ST8SIA5: variants seen among roughly 807,000 people sequenced by gnomAD.
The protein encoded by ST8SIA5 is ST8 alpha-N-acetyl-neuraminide alpha-2,8-sialyltransferase 5.
Under a neutral mutation model 40.2 loss-of-function variants are expected in ST8SIA5, and 24 were observed. The observed-to-expected ratio is 0.60, with a 90% CI of 0.43 to 0.84. ST8SIA5 has a LOEUF of 0.84. Ranked by LOEUF, ST8SIA5 falls within the 40% of genes least tolerant of loss-of-function variation. The probability of loss-of-function intolerance (pLI) is 0.00; values close to 1 mark genes in which losing one functional copy is unlikely to be tolerated. For synonymous variants in ST8SIA5, 198 were observed against 201.8 expected (o/e 0.98, Z 0.16); for missense variants, 465 against 498.5 (o/e 0.93, Z 0.64).
rs1056210931 is a variant in ST8SIA5, at chr18:46,676,605, C to T, written c.*3437G>A. 9 of 152,222 alleles carry T rather than the reference C, an allele frequency of 5.9e-5. No individual in the cohort carries two copies. The highest frequency in any genetic ancestry group is 2.1e-4 in the South Asian group (1 of 4,822). 9.4% of individuals were successfully genotyped at this position (152,222 alleles called of 1,614,324 possible). ...GCAGCATTGCTGAAATGGTCTCAGA[C>T]GCTGCCTCTGACCTTGAGCCACCTT... On this transcript the variant is annotated 3_prime_UTR_variant, in exon 7 of 7. Transcript: ENST00000315087.
chr18:46,728,446 A>T (rs562968981), intron 1 of ST8SIA5, among the ~76,000 whole-genome samples: 1 of 152,248 alleles, frequency 6.6e-6, no homozygotes, highest in Non-Finnish European at 1.5e-5. Flanking sequence ...AGCATCCGCG[A>T]GTGCCCACTC....
intron 1 of ST8SIA5, among the ~76,000 whole-genome samples, chr18:46,728,528 T>C (rs1227902057): frequency 6.6e-6 from 1 of 152,240 alleles, no homozygotes; most frequent in Non-Finnish European, 1.5e-5. Context: ...TTTGGCACTG[T>C]GGACTTAGGT....
At chr18:46,707,648 T>A (rs141944698) in intron 1 of ST8SIA5, among the ~76,000 whole-genome samples, 25 of 152,346 alleles carry the variant, frequency 1.6e-4, no homozygotes, top group Admixed American at 7.8e-4. Flanking sequence ...CTCTGTATGG[T>A]CTGAATGTTT....
chr18:46,749,196 A>C (rs2040172151), intron 1 of ST8SIA5, among the ~76,000 whole-genome samples: 1 of 152,166 alleles, frequency 6.6e-6, no homozygotes, highest in East Asian at 1.9e-4. Flanking sequence ...GCGTTTGCTC[A>C]TTCCTAGGAC....
chr18:46,748,248 A>T (rs981917899), intron 1 of ST8SIA5, among the ~76,000 whole-genome samples: 25 of 148,342 alleles, frequency 1.7e-4, no homozygotes, highest in East Asian at 7.8e-4. Flanking sequence ...TAATTAATTT[A>T]AAAAAATAGG....
At chr18:46,693,898 A>T (rs2039530916) in intron 2 of ST8SIA5, among the ~76,000 whole-genome samples, 2 of 152,090 alleles carry the variant, frequency 1.3e-5, no homozygotes, top group Non-Finnish European at 2.9e-5. Context: ...TCCATTACCT[A>T]TCCCTATCTT....
intron 5 of ST8SIA5, among the ~76,000 whole-genome samples, chr18:46,685,607 C>G (rs551024946): frequency 6.6e-6 from 1 of 152,346 alleles, no homozygotes; most frequent in African/African-American, 2.4e-5. Context: ...GATTGTGGAT[C>G]CATGCTTCAT....
At chr18:46,729,397 C>T (rs1008604689) in intron 1 of ST8SIA5, among the ~76,000 whole-genome samples, 1 of 7,556 alleles carries the variant, frequency 1.3e-4, no homozygotes, top group Non-Finnish European at 3.3e-4. Context: ...GTGCCTTGAA[C>T]TCCACCCTCC....
At position 46,671,010 on chromosome 18, in the gene ST8SIA5, T is replaced by C. The variant is rs1415123630; in HGVS notation, c.*9032A>G. On this transcript the variant is annotated 3_prime_UTR_variant, in exon 7 of 7. Transcript: ENST00000315087. ...TTGATACACAGCTTTATAGCATCTA[T>C]TTTCAGGGGCTCAAAATTATTTTCC... 1 of 152,212 alleles carries C rather than the reference T, an allele frequency of 6.6e-6. No individual in the cohort carries two copies. Among genetic ancestry groups the C allele is most frequent in the African/African-American group, 2.4e-5 (1 of 41,436 alleles). The allele number at this position is 152,212 out of a possible 1,614,324, so 9.4% of individuals were successfully genotyped here. A position where few individuals can be genotyped will look rare whatever the true frequency, so the allele number is the denominator to read the frequency against.
intron 1 of ST8SIA5, among the ~76,000 whole-genome samples, chr18:46,751,925 A>G (rs1205947778): frequency 6.6e-6 from 1 of 152,118 alleles, no homozygotes; most frequent in Non-Finnish European, 1.5e-5. Flanking sequence ...TTCCCAACGC[A>G]GTTCTGGGTA....
chr18:46,696,016 C>T (rs976059972), intron 2 of ST8SIA5, among the ~76,000 whole-genome samples: 19 of 152,154 alleles, frequency 1.2e-4, no homozygotes, highest in African/African-American at 1.9e-4. Flanking sequence ...GTTAAAGGGA[C>T]GGGGAAGTGA....
intron 1 of ST8SIA5, among the ~76,000 whole-genome samples, chr18:46,723,713 G>A (rs2039886410): frequency 6.6e-6 from 1 of 151,996 alleles, no homozygotes; most frequent in South Asian, 2.1e-4. Flanking sequence ...ACTGCCTGAG[G>A]CCAGGAGTTC....
In ST8SIA5 at chr18:46,678,524, T is replaced by C. The variant is rs2039355395; in HGVS notation, c.*1518A>G. The C allele has an allele frequency of 6.6e-6, 1 of 152,220 alleles. No individual in the cohort carries two copies. 9.4% of individuals were successfully genotyped at this position (152,220 alleles called of 1,614,324 possible). ...AGAGCACCCAGCACGTGGGACTGGG[T>C]CTATAATCTCTGGGCCCTGCACCCC... is the stretch of plus-strand genomic sequence containing the variant. On this transcript the variant is annotated 3_prime_UTR_variant, in exon 7 of 7. Coordinates refer to ENST00000315087, the MANE Select transcript of ST8SIA5 (RefSeq NM_013305.6).
At chr18:46,733,470 C>T (rs932240260) in intron 1 of ST8SIA5, among the ~76,000 whole-genome samples, 2 of 152,110 alleles carry the variant, frequency 1.3e-5, no homozygotes, top group Admixed American at 6.5e-5. Context: ...GGCTCAACAG[C>T]GAGCAAGCCA....
rs771016806 is a variant in ST8SIA5 at position 46,704,714 on chromosome 18, A to C, written c.132-50T>G. On this transcript the variant is annotated intron_variant, in intron 1 of 6. Coordinates refer to ENST00000315087, the MANE Select transcript of ST8SIA5 (RefSeq NM_013305.6). ...AACAGAGAAGCAGGTCAGGATGTCC[A>C]GGGCCTGCAGGGGCTCTTGTTGCAG... The C allele has an allele frequency of 4.2e-6, 6 of 1,442,456 alleles. No individual in the cohort carries two copies. In the South Asian group the frequency reaches 6.8e-5, roughly 16 times the overall value. 89.4% of individuals were successfully genotyped at this position (1,442,456 alleles called of 1,614,324 possible). A position where few individuals can be genotyped will look rare whatever the true frequency, so the allele number is the denominator to read the frequency against.
intron 1 of ST8SIA5, among the ~76,000 whole-genome samples, chr18:46,725,912 G>A (rs1454744358): frequency 3.6e-5 from 5 of 137,496 alleles, no homozygotes; most frequent in Non-Finnish European, 7.7e-5. Flanking sequence ...CTTGAGGTCA[G>A]GAGTTTGAGA....
chr18:46,727,437 A>T (rs542550195), intron 1 of ST8SIA5, among the ~76,000 whole-genome samples: 1 of 152,342 alleles, frequency 6.6e-6, no homozygotes, highest in South Asian at 2.1e-4. Context: ...CCCTGAGCCA[A>T]CTACCAGGGG....
In ST8SIA5 at chr18:46,703,996, C is replaced by T. The variant is rs899853981; in HGVS notation, c.224+576G>A. Among the ~76,000 whole-genome samples, 3 of 152,112 alleles carry T rather than the reference C, an allele frequency of 2.0e-5. No homozygotes were observed. The South Asian group carries it at 6.2e-4, about 32-fold the overall frequency. ...CTTTTACCATTTATGTAAAAAAAAA[C>T]TTTTTAAATCTCCATACATAGATTC... is the stretch of plus-strand genomic sequence containing the variant. On this transcript the variant is annotated intron_variant, in intron 2 of 6. Coordinates refer to ENST00000315087, the MANE Select transcript of ST8SIA5 (RefSeq NM_013305.6).
intron 1 of ST8SIA5, chr18:46,721,453 A>G (rs1389424206): frequency 6.5e-7 from 1 of 1,536,022 alleles, no homozygotes; most frequent in African/African-American, 1.4e-5. Flanking sequence ...CCACTCTGCC[A>G]ACCAAACTGG....
Sources: gnomAD v4.1 joint callset for allele counts (sites outside exome capture counted in the v4.1 genomes callset) on GRCh38, gnomAD v4.1.1 for gene constraint, MANE v1.5 for transcripts, NCBI Gene and HGNC (gene_info 2026-07-23, HGNC 2026-07-21) for gene names.